CFAP47: variants seen among roughly 807,000 people sequenced by gnomAD.
CFAP47 encodes the protein cilia- and flagella-associated protein 47.
CFAP47 carries 29 observed loss-of-function variants against 148.1 expected under a neutral mutation model. The ratio of observed to expected loss-of-function variants is 0.20; its 90% confidence interval spans 0.15 to 0.27. The LOEUF is 0.27. CFAP47 is among the 10% of genes least tolerant of loss of function. The pLI is 1.00. For synonymous variants in CFAP47, 664 were observed against 577.3 expected (o/e 1.15, Z -2.15); for missense variants, 1,872 against 1,697.5 (o/e 1.10, Z -1.81).
chrX:36,378,384 A>G (rs1481438131), intron 62 of CFAP47, among the ~76,000 whole-genome samples: 4 of 112,084 alleles, frequency 3.6e-5, no homozygotes, highest in Non-Finnish European at 7.5e-5. Flanking sequence ...GAAGATGAGT[A>G]AATATCGCCA....
At chrX:35,937,319 G>C (rs994809966) in intron 2 of CFAP47, among the ~76,000 whole-genome samples, 4 of 107,816 alleles carry the variant, frequency 3.7e-5, no homozygotes, top group Admixed American at 3.0e-4. Context: ...GTTCAGGGGG[G>C]CTCCTGTTTG....
intron 33 of CFAP47, among the ~76,000 whole-genome samples, chrX:36,106,068 A>G (rs755919263): frequency 8.9e-5 from 10 of 112,278 alleles, no homozygotes; most frequent in African/African-American, 3.2e-4. Context: ...CATTCGAGTC[A>G]TTGATTAAAT....
intron 11 of CFAP47, 115 bp downstream of exon 11, chrX:35,971,038 A>G (rs773382902): frequency 2.4e-5 from 13 of 542,866 alleles, no homozygotes; most frequent in Admixed American, 1.8e-4. Context: ...ACATTTCAAT[A>G]CGTGATAAAA....
intron 50 of CFAP47, among the ~76,000 whole-genome samples, chrX:36,285,335 C>T (rs1569308499): frequency 9.0e-6 from 1 of 111,661 alleles, no homozygotes; most frequent in Non-Finnish European, 1.9e-5. Context: ...TAATCCTTAA[C>T]TTAAAAGTAA....
intron 48 of CFAP47, among the ~76,000 whole-genome samples, chrX:36,237,130 T>C (rs1940478504): frequency 9.0e-6 from 1 of 111,599 alleles, no homozygotes; most frequent in South Asian, 3.7e-4. Flanking sequence ...GTGCTTTTCA[T>C]TGAAAAAATT....
chrX:36,331,354 T>C (rs1454103542), intron 57 of CFAP47, among the ~76,000 whole-genome samples: 2 of 111,307 alleles, frequency 1.8e-5, no homozygotes, highest in Non-Finnish European at 3.8e-5. Context: ...GATTGTGGAC[T>C]CACTCCTGCC....
At position 36,379,362 on chromosome X, in the gene CFAP47, G is replaced by A. The variant is rs782722294; in HGVS notation, c.9198G>A (p.Pro3066=). The change falls in exon 63 of 64, where the codon CCG becomes CCA. Residue 3066 remains proline (P), a synonymous_variant. Transcript: ENST00000378653. ...ACTTTTGTTCCAGAAATCCTGAGCC[G>A]TTCACCGCACACTTCCTACCTGGCA... ...RLKSQTRNPE[P]FTAHFLPGSD... 18 of 1,165,203 alleles carry A rather than the reference G, an allele frequency of 1.5e-5. No individual in the cohort carries two copies. Among genetic ancestry groups the A allele is most frequent in the East Asian group, 9.8e-5 (3 of 30,672 alleles).
intron 57 of CFAP47, among the ~76,000 whole-genome samples, chrX:36,338,788 C>T (rs1941629639): frequency 8.9e-6 from 1 of 111,795 alleles, no homozygotes. Context: ...ATATGTCCAC[C>T]AGCTATCTCA....
intron 22 of CFAP47, among the ~76,000 whole-genome samples, chrX:36,021,720 G>A (rs1937161949): frequency 2.2e-5 from 2 of 91,871 alleles, no homozygotes; most frequent in Admixed American, 2.9e-4. Context: ...CCCTGTGTCC[G>A]TGTGTTCTCA....
chrX:36,098,372 A>G (rs985630187), intron 30 of CFAP47, among the ~76,000 whole-genome samples: 1 of 111,498 alleles, frequency 9.0e-6, no homozygotes, highest in Non-Finnish European at 1.9e-5. Flanking sequence ...GGAAATATGT[A>G]TCTGTATTTG....
intron 57 of CFAP47, among the ~76,000 whole-genome samples, chrX:36,329,120 TAAATAC>T (rs1181097351): frequency 8.6e-4 from 96 of 111,569 alleles, no homozygotes; most frequent in African/African-American, 3.1e-3. Context: ...AAATGTTTAT[TAAATAC>T]AAACAGAAAA....
intron 62 of CFAP47, among the ~76,000 whole-genome samples, chrX:36,371,601 A>G (rs1465181453): frequency 1.1e-5 from 1 of 91,899 alleles, no homozygotes; most frequent in African/African-American, 3.9e-5. Flanking sequence ...ACATGTGTGT[A>G]TATATGTGTA....
At chrX:36,332,626 C>A (rs1220184645) in intron 57 of CFAP47, among the ~76,000 whole-genome samples, 1 of 111,651 alleles carries the variant, frequency 9.0e-6, no homozygotes, top group African/African-American at 3.3e-5. Context: ...AATGGGTATC[C>A]TTTCTGAAGC....
Position 36,147,182 on chromosome X carries a change from T to C in CFAP47, c.5670+1829T>C, listed in dbSNP as rs145976148. 5.3e-3 allele frequency among the ~76,000 whole-genome samples: 592 copies of C among 111,633 alleles called. 4 individuals are homozygous for C. Among genetic ancestry groups the C allele is most frequent in the African/African-American group, 0.018 (538 of 30,264 alleles). On this transcript the variant is annotated intron_variant, in intron 36 of 63. Transcript: ENST00000378653. ...AGACATTCAAAAAGCAGTTGAATTT[T>C]GTTTTCCTTTTGAAACAAAATTTAC...
intron 29 of CFAP47, among the ~76,000 whole-genome samples, chrX:36,081,538 G>A (rs1937983029): frequency 9.1e-6 from 1 of 110,308 alleles, no homozygotes; most frequent in African/African-American, 3.3e-5. Flanking sequence ...GAGACACATT[G>A]AAAAAAGAAA....
intron 19 of CFAP47, among the ~76,000 whole-genome samples, chrX:35,998,185 A>T (rs183388263): frequency 8.1e-5 from 9 of 111,552 alleles, no homozygotes; most frequent in Non-Finnish European, 1.5e-4. Flanking sequence ...ATGATACCTC[A>T]CTGTGGTATT....
At chrX:36,064,836 A>G in intron 26 of CFAP47, among the ~76,000 whole-genome samples, 1 of 112,231 alleles carries the variant, frequency 8.9e-6, no homozygotes, top group Non-Finnish European at 1.9e-5. Context: ...GACAGCCCAA[A>G]TATAGTTTAA....
intron 24 of CFAP47, among the ~76,000 whole-genome samples, chrX:36,037,394 G>T (rs1408917470): frequency 9.2e-6 from 1 of 109,006 alleles, no homozygotes; most frequent in Non-Finnish European, 1.9e-5. Flanking sequence ...ATGGAGTCTC[G>T]CCCTGTCGCC....
At position 35,975,749 on chromosome X, in the gene CFAP47, A is replaced by G. The variant is rs148256210; in HGVS notation, c.2549A>G (p.Glu850Gly). The G allele has an allele frequency of 8.3e-7, 1 of 1,209,722 alleles. No homozygotes were observed. The highest frequency in any genetic ancestry group is 1.7e-5 in the African/African-American group (1 of 57,719). Reference protein sequence around the residue: ...VVAVVQPVTLELSSNELVLRP... With the variant: ...VVAVVQPVTLGLSSNELVLRP... ...GCAGTTGTCCAGCCAGTAACACTTGAGCTATCTTCTAATGAGCTAGTATTG... is the reference window on the plus strand; with the variant it reads ...GCAGTTGTCCAGCCAGTAACACTTGGGCTATCTTCTAATGAGCTAGTATTG... Residue 850 changes from glutamate to glycine, a missense_variant, in exon 15 of 64, where the codon GAG becomes GGG. Glu to Gly is a moderately conservative substitution (Grantham distance 98). Coordinates refer to ENST00000378653, the MANE Select transcript of CFAP47 (RefSeq NM_001304548.2).
Sources: gnomAD v4.1 joint callset for allele counts (sites outside exome capture counted in the v4.1 genomes callset) on GRCh38, gnomAD v4.1.1 for gene constraint, MANE v1.5 for transcripts, NCBI Gene and HGNC (gene_info 2026-07-23, HGNC 2026-07-21) for gene names.